FHIP2A: variants seen among roughly 807,000 people sequenced by gnomAD.
The protein encoded by FHIP2A is FHF complex subunit HOOK interacting protein 2A.
FHIP2A carries 46 observed loss-of-function variants against 93.5 expected under a neutral mutation model. That is an observed-to-expected ratio of 0.49 (90% CI 0.39 to 0.63). The LOEUF is 0.63. Ranked by LOEUF, FHIP2A falls within the 20% of genes least tolerant of loss-of-function variation. The pLI is 0.00. For missense variants in FHIP2A, 769 were observed against 909.7 expected (o/e 0.85, Z 1.99); for synonymous variants, 332 against 326.5 (o/e 1.02, Z -0.18).
intron 14 of FHIP2A, among the ~76,000 whole-genome samples, chr10:114,858,251 G>A (rs1197598066): frequency 6.6e-6 from 1 of 152,214 alleles, no homozygotes; most frequent in African/African-American, 2.4e-5. Flanking sequence ...CCAATAGGAA[G>A]TAGAGACCAT....
intron 16 of FHIP2A, among the ~76,000 whole-genome samples, chr10:114,871,728 C>T (rs1316470154): frequency 6.6e-6 from 1 of 152,068 alleles, no homozygotes; most frequent in Non-Finnish European, 1.5e-5. Flanking sequence ...GCTGGTACGC[C>T]CCTCATTAAT....
chr10:114,851,008 G>A (rs1376562671), intron 13 of FHIP2A, among the ~76,000 whole-genome samples: 2 of 152,106 alleles, frequency 1.3e-5, no homozygotes, highest in Non-Finnish European at 1.5e-5. Context: ...CCGCCTCCTG[G>A]GTTCAAGCAA....
chr10:114,827,937 G>A (rs2083586858), intron 1 of FHIP2A, among the ~76,000 whole-genome samples: 1 of 151,890 alleles, frequency 6.6e-6, no homozygotes, highest in Non-Finnish European at 1.5e-5. Context: ...GTCATTGCAT[G>A]AATTTTTTAA....
At chr10:114,830,102 G>T (rs2083599217) in intron 1 of FHIP2A, among the ~76,000 whole-genome samples, 1 of 151,994 alleles carries the variant, frequency 6.6e-6, no homozygotes, top group South Asian at 2.1e-4. Flanking sequence ...GTTGACTTTG[G>T]TATATGTTTT....
At position 114,862,665 on chromosome 10, in the gene FHIP2A, T is replaced by C. The variant is rs1337774276; in HGVS notation, c.*1125T>C. Reference sequence around the variant, plus strand: ...AACCTGTAGTTCAGCAAAGCTGCGCTGGGCACAGCATGCTTGTACTTGATT... The same window carrying C: ...AACCTGTAGTTCAGCAAAGCTGCGCCGGGCACAGCATGCTTGTACTTGATT... On this transcript the variant is annotated 3_prime_UTR_variant, in exon 17 of 17. Coordinates refer to ENST00000369248, the MANE Select transcript of FHIP2A (RefSeq NM_020940.4). The C allele has an allele frequency of 1.2e-4, 123 of 985,594 alleles. 2 individuals are homozygous for C. The highest frequency in any genetic ancestry group is 7.1e-5 in the Non-Finnish European group (59 of 830,118). 61.1% of individuals were successfully genotyped at this position (985,594 alleles called of 1,614,324 possible). A position where few individuals can be genotyped will look rare whatever the true frequency, so the allele number is the denominator to read the frequency against.
In FHIP2A at chr10:114,863,087, AAAC is replaced by A; in HGVS notation, c.*1553_*1555del. ...AGCTCTAGAATGCTTACCACTGTTA[AAAC>A]AACAAAAAGACTAAACCTCTAATTT... On this transcript the variant is annotated 3_prime_UTR_variant, in exon 17 of 17. Transcript: ENST00000369248. 1 of 983,258 alleles carries A rather than the reference AAAC, an allele frequency of 1.0e-6. No individual in the cohort carries two copies. The highest frequency in any genetic ancestry group is 1.2e-6 in the Non-Finnish European group (1 of 827,946). The allele number at this position is 983,258 out of a possible 1,614,324, so 60.9% of individuals were successfully genotyped here.
intron 5 of FHIP2A, among the ~76,000 whole-genome samples, chr10:114,838,122 C>G (rs1163116071): frequency 6.6e-6 from 1 of 152,172 alleles, no homozygotes; most frequent in African/African-American, 2.4e-5. Flanking sequence ...ATTTTGCATC[C>G]CATCAACAGT....
intron 5 of FHIP2A, among the ~76,000 whole-genome samples, chr10:114,838,540 TCA>T (rs1212169473): frequency 2.0e-5 from 3 of 152,212 alleles, no homozygotes; most frequent in Non-Finnish European, 4.4e-5. Flanking sequence ...GAGAAATATC[TCA>T]GTTTTGCTGA....
intron 13 of FHIP2A, among the ~76,000 whole-genome samples, chr10:114,854,939 G>C (rs1005046679): frequency 6.6e-6 from 1 of 152,206 alleles, no homozygotes; most frequent in Non-Finnish European, 1.5e-5. Context: ...GGAAAGAGCT[G>C]TTAGGGGTAT....
intron 16 of FHIP2A, among the ~76,000 whole-genome samples, chr10:114,874,355 C>A (rs2083873821): frequency 6.6e-6 from 1 of 152,120 alleles, no homozygotes; most frequent in African/African-American, 2.4e-5. Context: ...TTATAGCACA[C>A]TAGGAATGAT....
intron 5 of FHIP2A, among the ~76,000 whole-genome samples, chr10:114,838,710 C>T (rs999379112): frequency 2.0e-5 from 3 of 152,158 alleles, no homozygotes; most frequent in Admixed American, 1.3e-4. Flanking sequence ...AGATCAGAAG[C>T]AGACGAAATA....
At chr10:114,897,599 T>G (rs1216538316) in intron 16 of FHIP2A, among the ~76,000 whole-genome samples, 4 of 152,138 alleles carry the variant, frequency 2.6e-5, no homozygotes, top group Non-Finnish European at 5.9e-5. Flanking sequence ...ACTTTATAAT[T>G]TAGTGTTCAG....
intron 12 of FHIP2A, among the ~76,000 whole-genome samples, chr10:114,847,767 GAC>G (rs1452776507): frequency 7.8e-6 from 1 of 128,200 alleles, no homozygotes; most frequent in African/African-American, 2.8e-5. Flanking sequence ...TTTTTTTTGA[GAC>G]AGAGTCTCAC....
intron 16 of FHIP2A, among the ~76,000 whole-genome samples, chr10:114,875,734 GAGAA>G (rs200179954): frequency 0.031 from 4,538 of 146,836 alleles, 179 homozygotes; most frequent in African/African-American, 0.093. Flanking sequence ...AAGAAAGAGA[GAGAA>G]AGAAAGAAAG....
At chr10:114,833,185 G>A (rs1456065136) in intron 2 of FHIP2A, 48 bp from the exon 3 acceptor site, 2 of 1,437,394 alleles carry the variant, frequency 1.4e-6, no homozygotes, top group Admixed American at 4.0e-5. Flanking sequence ...GTGCAAATAT[G>A]CAGTTTAAAA....
In FHIP2A at chr10:114,862,266, C is replaced by T. The variant is rs202115877; in HGVS notation, c.*726C>T. On this transcript the variant is annotated 3_prime_UTR_variant, in exon 17 of 17. Coordinates refer to ENST00000369248, the MANE Select transcript of FHIP2A (RefSeq NM_020940.4). ...CAGTTTATTTAAACTGTGTCGTTTT[C>T]GCAGCAGTGTTCAATTTGCTCACCA... The T allele has an allele frequency of 5.1e-5, 50 of 986,612 alleles. No homozygotes were observed. Among genetic ancestry groups the T allele is most frequent in the East Asian group, 2.3e-4 (2 of 8,824 alleles). The allele number at this position is 986,612 out of a possible 1,614,324, so 61.1% of individuals were successfully genotyped here.
chr10:114,866,167 C>T (rs1041017086), downstream of FHIP2A, among the ~76,000 whole-genome samples: 7 of 151,996 alleles, frequency 4.6e-5, no homozygotes, highest in African/African-American at 1.4e-4. Context: ...GTGTTGTTTC[C>T]CGCCCTATGT....
intron 13 of FHIP2A, 95 bp downstream of exon 13, chr10:114,848,832 G>A: frequency 1.3e-6 from 1 of 781,840 alleles, no homozygotes; most frequent in Non-Finnish European, 2.1e-6. Flanking sequence ...CCAAGGAAAT[G>A]ACTTCATTCT....
intron 7 of FHIP2A, 81 bp downstream of exon 7, chr10:114,844,018 G>GA: frequency 8.3e-7 from 1 of 1,210,438 alleles, no homozygotes; most frequent in Non-Finnish European, 1.1e-6. Flanking sequence ...TTTTGCAATG[G>GA]TAGAAGTCTT....
Sources: allele counts gnomAD v4.1 joint callset (sites outside exome capture counted in the v4.1 genomes callset), GRCh38; gene constraint gnomAD v4.1.1; transcripts MANE v1.5; gene names NCBI Gene and HGNC (gene_info 2026-07-23, HGNC 2026-07-21).